COG2: variants seen among roughly 807,000 people sequenced by gnomAD.
The protein encoded by COG2 is conserved oligomeric Golgi complex subunit 2.
A neutral mutation model predicts 90.6 loss-of-function variants in COG2; 52 were observed. That is an observed-to-expected ratio of 0.57 (90% CI 0.46 to 0.72). COG2 has a LOEUF of 0.72. COG2 is among the 30% of genes least tolerant of loss of function. The pLI is 0.00. For synonymous variants in COG2, 337 were observed against 320.4 expected, an observed-to-expected ratio of 1.05 and a Z score of -0.55; for missense variants, 829 against 891.2, an observed-to-expected ratio of 0.93 and a Z score of 0.89.
chr1:230,691,526 CT>C lies in COG2; in HGVS notation c.2078del (p.Leu693ArgfsTer5). The C allele has an allele frequency of 6.2e-7, 1 of 1,614,114 alleles. No homozygotes were observed. The highest frequency in any genetic ancestry group is 8.5e-7 in the Non-Finnish European group (1 of 1,180,014). On this transcript the variant is annotated frameshift_variant, in exon 17 of 18. Coordinates refer to ENST00000366669, the MANE Select transcript of COG2 (RefSeq NM_007357.3). LOFTEE classifies it high-confidence loss of function. ...CATGAGCGACGACGACAAAATCAGG[CT>C]GCAGTTGGCCCTAGATGTTGAGTAC... is the stretch of plus-strand genomic sequence containing the variant. Reference protein sequence around the residue: ...GGMSDDDKIRLQLALDVEYLG... With the variant: ...GGMSDDDKIRXQLALDVEYLG...
At chr1:230,691,193 A>G (rs566169884) in intron 16 of COG2, among the ~76,000 whole-genome samples, 191 bp from the exon 17 acceptor site, 1 of 152,250 alleles carries the variant, frequency 6.6e-6, no homozygotes, top group Admixed American at 6.5e-5. Flanking sequence ...ATATACGTAT[A>G]TACATGTATA....
At chr1:230,686,205 G>T (rs145683048) in intron 12 of COG2, among the ~76,000 whole-genome samples, 44 of 152,324 alleles carry the variant, frequency 2.9e-4, no homozygotes, top group Middle Eastern at 3.4e-3. Flanking sequence ...GTCAGGTAAT[G>T]GGAGTCTAGT....
chr1:230,683,958 A>AT (rs1662823162), intron 11 of COG2, among the ~76,000 whole-genome samples: 1 of 151,688 alleles, frequency 6.6e-6, no homozygotes, highest in Non-Finnish European at 1.5e-5. Context: ...CGCCTAGTTA[A>AT]TTTTTTTATT....
intron 5 of COG2, 23 bp downstream of exon 5, chr1:230,664,610 C>T (rs752491184): frequency 8.3e-7 from 1 of 1,206,886 alleles, no homozygotes; most frequent in Non-Finnish European, 1.2e-6. Flanking sequence ...TATTAAATAA[C>T]TCGTAAATTA....
At chr1:230,672,443 T>C (rs1346596256) in intron 8 of COG2, among the ~76,000 whole-genome samples, 2 of 152,168 alleles carry the variant, frequency 1.3e-5, no homozygotes, top group Non-Finnish European at 2.9e-5. Context: ...CTTCTGCGTT[T>C]TTCCTCTGCC....
At chr1:230,659,051 C>G (rs1247284975) in intron 1 of COG2, among the ~76,000 whole-genome samples, 1 of 151,848 alleles carries the variant, frequency 6.6e-6, no homozygotes, top group Non-Finnish European at 1.5e-5. Flanking sequence ...GTGCTTATCT[C>G]TACAGCATGA....
At chr1:230,655,289 TGA>T (rs1248415856) in intron 1 of COG2, among the ~76,000 whole-genome samples, 1 of 152,186 alleles carries the variant, frequency 6.6e-6, no homozygotes, top group Non-Finnish European at 1.5e-5. Context: ...CCTAGTTTAT[TGA>T]GAGTTTTTAG....
chr1:230,679,274 G>T (rs570852945), intron 10 of COG2: 2 of 408,498 alleles, frequency 4.9e-6, no homozygotes, highest in Non-Finnish European at 8.6e-6. Flanking sequence ...TAATTGGAGA[G>T]CTCAGAACAC....
chr1:230,671,705 G>T, intron 8 of COG2, 65 bp downstream of exon 8: 1 of 1,467,738 alleles, frequency 6.8e-7, no homozygotes, highest in Non-Finnish European at 9.4e-7. Context: ...CTAATTGCAG[G>T]TGCACGATGG....
intron 13 of COG2, 43 bp downstream of exon 13, chr1:230,687,175 G>A: frequency 1.9e-6 from 3 of 1,551,632 alleles, no homozygotes; most frequent in Non-Finnish European, 2.6e-6. Context: ...TTGGTTTAAT[G>A]TTTTCACAGA....
intron 1 of COG2, 51 bp downstream of exon 1, chr1:230,642,729 C>T (rs1389966446): frequency 5.1e-6 from 8 of 1,556,930 alleles, no homozygotes; most frequent in African/African-American, 1.4e-5. Context: ...TGCCTCTGCC[C>T]TGTGCCCTCT....
chr1:230,649,703 T>C (rs1661867950), intron 1 of COG2, among the ~76,000 whole-genome samples: 1 of 152,092 alleles, frequency 6.6e-6, no homozygotes, highest in Admixed American at 6.5e-5. Flanking sequence ...CTCATTGTGG[T>C]TTTTCTTTTG....
chr1:230,661,162 A>G (rs1662171185), intron 3 of COG2, among the ~76,000 whole-genome samples: 1 of 152,208 alleles, frequency 6.6e-6, no homozygotes, highest in Admixed American at 6.5e-5. Flanking sequence ...AATAGCTTCT[A>G]TTTTAAAAAT....
In COG2 at chr1:230,661,872, A is replaced by T. The variant is rs79404109; in HGVS notation, c.300+1049A>T. The stretch of plus-strand genomic sequence containing the variant: ...CTTCTTCTTGGCATGGAAGGAAAAT[A>T]GTTTTTGTGATCCACTGTTGGATTC... On this transcript the variant is annotated intron_variant, in intron 3 of 17. Coordinates refer to ENST00000366669, the MANE Select transcript of COG2 (RefSeq NM_007357.3). Among the ~76,000 whole-genome samples the T allele has an allele frequency of 7.9e-3, 1,195 of 152,218 alleles. 14 individuals are homozygous for T. The highest frequency in any genetic ancestry group is 0.027 in the African/African-American group (1,112 of 41,522).
intron 10 of COG2, chr1:230,679,367 G>A (rs1662676604): frequency 1.4e-5 from 3 of 208,338 alleles, no homozygotes; most frequent in African/African-American, 4.6e-5. Context: ...GAAAGTAGGA[G>A]TTATACAGCA....
chr1:230,660,968 A>T (rs1205877462), intron 3 of COG2, 145 bp downstream of exon 3: 1 of 449,860 alleles, frequency 2.2e-6, no homozygotes, highest in Non-Finnish European at 3.9e-6. Flanking sequence ...TCCTCAGAAA[A>T]GTTGTAAATC....
At chr1:230,645,033 A>T (rs1038687333) in intron 1 of COG2, among the ~76,000 whole-genome samples, 6 of 152,110 alleles carry the variant, frequency 3.9e-5, no homozygotes, top group Non-Finnish European at 8.8e-5. Context: ...GCTTAATAAA[A>T]TATACACACT....
intron 13 of COG2, chr1:230,687,848 G>A: frequency 2.1e-6 from 1 of 473,740 alleles, no homozygotes; most frequent in East Asian, 3.8e-5. Context: ...TATTCTCTGT[G>A]CCTGTTAATA....
chr1:230,678,416 T>C (rs2102765491), intron 9 of COG2: 1 of 985,474 alleles, frequency 1.0e-6, no homozygotes, highest in East Asian at 1.1e-4. Flanking sequence ...ACGAGTTAGC[T>C]GCCACTCTTA....
Sources: gnomAD v4.1 joint callset for allele counts (sites outside exome capture counted in the v4.1 genomes callset) on GRCh38, gnomAD v4.1.1 for gene constraint, MANE v1.5 for transcripts, NCBI Gene and HGNC (gene_info 2026-07-23, HGNC 2026-07-21) for gene names.